The following PLXNA4 variants were observed in gnomAD, a reference collection of about 807,000 sequenced individuals.
The protein encoded by PLXNA4 is plexin-A4.
In PLXNA4, 44 loss-of-function variants were observed where a neutral mutation model predicts 191.8. The ratio of observed to expected loss-of-function variants is 0.23; its 90% CI spans 0.18 to 0.29. The LOEUF (loss-of-function observed/expected upper bound fraction) is 0.29. Among genes scored for constraint, PLXNA4 ranks in the 10% least tolerant of loss-of-function variants. The pLI, the probability that PLXNA4 is intolerant of heterozygous loss-of-function variation, is 1.00. For missense variants in PLXNA4, 1,800 were observed against 2,488.8 expected, an observed-to-expected ratio of 0.72 and a Z score of 5.89; for synonymous variants, 1,082 against 1,009.5, an observed-to-expected ratio of 1.07 and a Z score of -1.36.
At chr7:132,157,343 C>T (rs953618207) in intron 25 of PLXNA4, among the ~76,000 whole-genome samples, 1 of 152,212 alleles carries the variant, frequency 6.6e-6, no homozygotes, top group African/African-American at 2.4e-5. Context: ...GCTTTGTCTG[C>T]TGCTGTTTCC....
Position 132,124,645 on chromosome 7 carries a change from C to T in PLXNA4, c.*5834G>A, listed in dbSNP as rs1584735590. 1 of 152,356 alleles carries T rather than the reference C, an allele frequency of 6.6e-6. No individual in the cohort carries two copies. The highest frequency in any genetic ancestry group is 1.9e-4 in the East Asian group (1 of 5,178). The allele number at this position is 152,356 out of a possible 1,614,324, so 9.4% of individuals were successfully genotyped here. On this transcript the variant is annotated 3_prime_UTR_variant, in exon 32 of 32. Coordinates refer to ENST00000321063, the MANE Select transcript of PLXNA4 (RefSeq NM_020911.2). ...AAGCTTGGGTCTTCCCATGACCCATCCCTCACAGAGCCTCCTTAAAGTTTG... is the reference window on the plus strand; with the variant it reads ...AAGCTTGGGTCTTCCCATGACCCATTCCTCACAGAGCCTCCTTAAAGTTTG...
chr7:132,225,361 G>T (rs1323875501), intron 8 of PLXNA4, among the ~76,000 whole-genome samples: 3 of 152,216 alleles, frequency 2.0e-5, no homozygotes, highest in Non-Finnish European at 4.4e-5. Context: ...AGCACAGGGT[G>T]CCAGCCAGTG....
At chr7:132,269,901 T>A (rs995703732) in intron 4 of PLXNA4, among the ~76,000 whole-genome samples, 1 of 152,042 alleles carries the variant, frequency 6.6e-6, no homozygotes, top group African/African-American at 2.4e-5. Flanking sequence ...GAGCTGTCCC[T>A]AGTACATTAT....
intron 4 of PLXNA4, among the ~76,000 whole-genome samples, chr7:132,297,457 C>T (rs775915385): frequency 7.2e-5 from 11 of 152,166 alleles, no homozygotes; most frequent in Non-Finnish European, 1.3e-4. Context: ...AAACTCACTT[C>T]GTTCTCAGCT....
At chr7:132,617,631 T>C (rs967167455) in intron 2 of PLXNA4, among the ~76,000 whole-genome samples, 2 of 152,290 alleles carry the variant, frequency 1.3e-5, no homozygotes, top group African/African-American at 2.4e-5. Context: ...TCACTGAGGC[T>C]TCCTCCCATG....
chr7:132,574,417 G>A (rs1450223755), intron 1 of PLXNA4, among the ~76,000 whole-genome samples: 2 of 152,220 alleles, frequency 1.3e-5, no homozygotes, highest in African/African-American at 2.4e-5. Flanking sequence ...GCCTGTCCAC[G>A]CCCTCAAGGG....
intron 2 of PLXNA4, among the ~76,000 whole-genome samples, chr7:132,585,473 G>A (rs1358516389): frequency 3.3e-5 from 5 of 152,128 alleles, no homozygotes; most frequent in Non-Finnish European, 4.4e-5. Context: ...ACAAACAAAT[G>A]AGCCTGGCCC....
At chr7:132,563,010 C>T (rs553438923) in intron 1 of PLXNA4, among the ~76,000 whole-genome samples, 2 of 107,524 alleles carry the variant, frequency 1.9e-5, no homozygotes, top group African/African-American at 7.5e-5. Context: ...CCTTCTCCTC[C>T]TCTTTCTCTT....
chr7:132,638,576 C>T (rs1563201178), intron 2 of PLXNA4, among the ~76,000 whole-genome samples: 1 of 151,976 alleles, frequency 6.6e-6, no homozygotes, highest in Non-Finnish European at 1.5e-5. Flanking sequence ...CACTTGAACC[C>T]GGGTGGCAGA....
chr7:132,223,904 G>A (rs770779170), intron 8 of PLXNA4, among the ~76,000 whole-genome samples: 2 of 152,032 alleles, frequency 1.3e-5, no homozygotes, highest in Non-Finnish European at 2.9e-5. Flanking sequence ...CCATCTCCAT[G>A]GGATAACATC....
chr7:132,570,251 A>C (rs1801918156), intron 1 of PLXNA4, among the ~76,000 whole-genome samples: 1 of 152,192 alleles, frequency 6.6e-6, no homozygotes, highest in South Asian at 2.1e-4. Context: ...TCAGGAAAGC[A>C]GGCCTGAGAT....
At chr7:132,329,213 C>G (rs930656834) in intron 3 of PLXNA4, among the ~76,000 whole-genome samples, 6 of 152,198 alleles carry the variant, frequency 3.9e-5, no homozygotes, top group South Asian at 4.1e-4. Context: ...CCAAATGCCC[C>G]CACTCCATGC....
chr7:132,156,756 G>A (rs1795811077), intron 25 of PLXNA4, among the ~76,000 whole-genome samples: 1 of 152,190 alleles, frequency 6.6e-6, no homozygotes, highest in African/African-American at 2.4e-5. Flanking sequence ...CTACATGATG[G>A]GAACAACTTG....
chr7:132,535,107 A>C (rs895519813), intron 1 of PLXNA4, among the ~76,000 whole-genome samples: 1 of 152,260 alleles, frequency 6.6e-6, no homozygotes, highest in Non-Finnish European at 1.5e-5. Flanking sequence ...ATAGATCTTC[A>C]TCATCCATAT....
intron 30 of PLXNA4, among the ~76,000 whole-genome samples, chr7:132,138,030 T>A (rs979942000): frequency 2.6e-5 from 4 of 151,582 alleles, no homozygotes; most frequent in Admixed American, 1.3e-4. Context: ...AAAAGATGAG[T>A]GGGAGGGTAA....
intron 1 of PLXNA4, among the ~76,000 whole-genome samples, chr7:132,527,711 T>G (rs1324667779): frequency 6.6e-6 from 1 of 152,154 alleles, no homozygotes; most frequent in East Asian, 1.9e-4. Flanking sequence ...GACACCCGAC[T>G]GCATTACAGT....
chr7:132,291,513 A>C (rs1208986964), intron 4 of PLXNA4, among the ~76,000 whole-genome samples: 1 of 152,208 alleles, frequency 6.6e-6, no homozygotes, highest in African/African-American at 2.4e-5. Context: ...TGCTTGGCTC[A>C]GAGCAGGTGC....
In PLXNA4 at chr7:132,211,055, T is replaced by C. The variant is rs1441851268; in HGVS notation, c.2186A>G (p.Gln729Arg). ...GTAGCCACGCTGCCCAGACTGGGGC[T>C]GGGGGAGGTTCTTGGCCTTCAGCGT... is the stretch of plus-strand genomic sequence containing the variant. Reference protein sequence around the residue: ...PITLKAKNLPQPQSGQRGYEC... With the variant: ...PITLKAKNLPRPQSGQRGYEC... Residue 729 changes from glutamine (Q) to arginine (R), a missense_variant, in exon 10 of 32, where the codon CAG (glutamine) becomes CGG (arginine). Coordinates refer to ENST00000321063, the MANE Select transcript of PLXNA4 (RefSeq NM_020911.2). 10 of 1,612,746 alleles carry C rather than the reference T, an allele frequency of 6.2e-6. No homozygotes were observed. Among genetic ancestry groups the C allele is most frequent in the Non-Finnish European group, 8.5e-6 (10 of 1,179,466 alleles).
At chr7:132,370,503 A>T (rs909918098) in intron 3 of PLXNA4, among the ~76,000 whole-genome samples, 27 of 152,310 alleles carry the variant, frequency 1.8e-4, no homozygotes, top group African/African-American at 6.3e-4. Flanking sequence ...CTTTTATAAA[A>T]TTATCCATTT....
Sources: gnomAD v4.1 joint callset for allele counts (sites outside exome capture counted in the v4.1 genomes callset) on GRCh38, gnomAD v4.1.1 for gene constraint, MANE v1.5 for transcripts, NCBI Gene and HGNC (gene_info 2026-07-23, HGNC 2026-07-21) for gene names.